Variants in ARHGEF33 observed in about 807,000 individuals in gnomAD.
ARHGEF33 encodes Rho guanine nucleotide exchange factor 33.
A neutral mutation model predicts 101.9 loss-of-function variants in ARHGEF33; 72 were observed. The observed-to-expected ratio is 0.71, with a 90% CI of 0.58 to 0.86. ARHGEF33 has a LOEUF of 0.86. Ranked by LOEUF, ARHGEF33 falls within the 40% of genes least tolerant of loss-of-function variation. The probability of loss-of-function intolerance (pLI) is 0.00; values close to 1 mark genes in which losing one functional copy is unlikely to be tolerated. For missense variants in ARHGEF33, 1,169 were observed against 1,111.3 expected (o/e 1.05, Z -0.74); for synonymous variants, 499 against 442.5 (o/e 1.13, Z -1.60).
chr2:38,906,863 T>TG (rs1272191520), intron 2 of ARHGEF33, among the ~76,000 whole-genome samples: 1 of 134,736 alleles, frequency 7.4e-6, no homozygotes, highest in African/African-American at 2.8e-5. Context: ...GCAGCTGAGG[T>TG]GGGAAGATTG....
intron 8 of ARHGEF33, among the ~76,000 whole-genome samples, chr2:38,936,076 C>G (rs915768115): frequency 3.9e-5 from 6 of 152,268 alleles, no homozygotes; most frequent in South Asian, 2.1e-4. Context: ...TTTTTTCTGG[C>G]TTATTTCAAT....
At chr2:38,964,995 A>C (rs960576475) in intron 16 of ARHGEF33, among the ~76,000 whole-genome samples, 2 of 152,034 alleles carry the variant, frequency 1.3e-5, no homozygotes, top group African/African-American at 4.8e-5. Flanking sequence ...AGAATCTCAG[A>C]GAATTTCTGT....
intron 16 of ARHGEF33, among the ~76,000 whole-genome samples, chr2:38,962,848 A>C (rs1344344174): frequency 8.1e-6 from 1 of 123,898 alleles, no homozygotes; most frequent in African/African-American, 3.3e-5. Context: ...CCCCGTCTCT[A>C]CAAAAAAAAA....
At position 38,951,027 on chromosome 2, in the gene ARHGEF33, A is replaced by G; in HGVS notation, c.959A>G (p.His320Arg). ...TCTTTACGGTACCTCGTCCAGCAGC[A>G]CCTGGATCTGCTTCACGCACTGCAG... ...PGSLRYLVQQ[H>R]LDLLHALQER... Residue 320 changes from histidine to arginine, a missense_variant, in exon 11 of 18, where the codon CAC (histidine) becomes CGC (arginine). Transcript: ENST00000409978. The G allele has an allele frequency of 6.4e-7, 1 of 1,552,170 alleles. No homozygotes were observed. Among genetic ancestry groups the G allele is most frequent in the South Asian group, 1.2e-5 (1 of 84,060 alleles).
At chr2:38,949,524 C>G (rs1462594604) in intron 10 of ARHGEF33, among the ~76,000 whole-genome samples, 1 of 152,026 alleles carries the variant, frequency 6.6e-6, no homozygotes, top group East Asian at 1.9e-4. Flanking sequence ...TGACGTCTCC[C>G]TTCTTCCCTT....
chr2:38,925,716 A>G (rs1314326259), intron 4 of ARHGEF33, among the ~76,000 whole-genome samples: 1 of 152,202 alleles, frequency 6.6e-6, no homozygotes, highest in Admixed American at 6.5e-5. Flanking sequence ...CCTCCTTGCC[A>G]TCATGTATGT....
chr2:38,960,358 G>A lies in ARHGEF33; in HGVS notation c.2053G>A (p.Gly685Ser). 2 of 1,529,908 alleles carry A rather than the reference G, an allele frequency of 1.3e-6. No individual in the cohort carries two copies. Among genetic ancestry groups the A allele is most frequent in the African/African-American group, 1.4e-5 (1 of 72,444 alleles). The allele number at this position is 1,529,908 out of a possible 1,614,324, so 94.8% of individuals were successfully genotyped here. The change falls in exon 16 of 18, where the codon GGC becomes AGC. Residue 685 changes from glycine (G) to serine (S), a missense_variant. Gly to Ser is a moderately conservative substitution (Grantham distance 56, BLOSUM62 0). Coordinates refer to ENST00000409978, the MANE Select transcript of ARHGEF33 (RefSeq NM_001145451.5). ...PLPKSATSPA[G>S]SSSAYKLEAA... is the part of the protein sequence containing the mutation. ...GCCCAAGAGCGCTACGTCGCCGGCG[G>A]GCAGCAGCAGCGCCTACAAACTGGA...
chr2:38,947,887 A>G (rs1221266962), intron 10 of ARHGEF33, among the ~76,000 whole-genome samples: 2 of 152,158 alleles, frequency 1.3e-5, no homozygotes, highest in Non-Finnish European at 2.9e-5. Flanking sequence ...GGAACCTGCT[A>G]CTGCCAAGCT....
chr2:38,928,862 C>G (rs1340414693), intron 4 of ARHGEF33, 45 bp from the exon 5 acceptor site: 9 of 1,509,098 alleles, frequency 6.0e-6, no homozygotes, highest in Non-Finnish European at 8.0e-6. Context: ...GTGCCACTTA[C>G]AGTAATTTCC....
intron 17 of ARHGEF33, among the ~76,000 whole-genome samples, chr2:38,968,157 G>C (rs1036581921): frequency 3.9e-5 from 6 of 151,948 alleles, no homozygotes; most frequent in African/African-American, 1.2e-4. Flanking sequence ...GTCCTCTCTG[G>C]ATTCAGAGGG....
intron 16 of ARHGEF33, among the ~76,000 whole-genome samples, chr2:38,962,750 C>G (rs1667972371): frequency 1.3e-5 from 2 of 150,100 alleles, no homozygotes; most frequent in African/African-American, 4.9e-5. Flanking sequence ...TGCGGTGGCT[C>G]ACGCCCGTAA....
intron 1 of ARHGEF33, among the ~76,000 whole-genome samples, chr2:38,894,438 T>G (rs3112176): frequency 0.9 from 136,068 of 151,212 alleles, 63,014 homozygotes; most frequent in Non-Finnish European, 1. Flanking sequence ...AAAAAAAGAA[T>G]AATAATAGAG....
intron 16 of ARHGEF33, among the ~76,000 whole-genome samples, chr2:38,963,632 T>G (rs1181513078): frequency 6.6e-6 from 1 of 152,226 alleles, no homozygotes; most frequent in Non-Finnish European, 1.5e-5. Flanking sequence ...AGAACGATTT[T>G]CCTTAAACCA....
chr2:38,942,739 G>A (rs1002683002), intron 9 of ARHGEF33, among the ~76,000 whole-genome samples: 3 of 151,892 alleles, frequency 2.0e-5, no homozygotes, highest in African/African-American at 2.4e-5. Flanking sequence ...AAAAAAATAC[G>A]TATATATGCT....
rs546554537 is a variant in ARHGEF33 at position 38,902,071 on chromosome 2, C to T, written c.-86+6222C>T. Among the ~76,000 whole-genome samples, 8 of 150,074 alleles carry T rather than the reference C, an allele frequency of 5.3e-5. No individual in the cohort carries two copies. In the East Asian group the frequency reaches 9.8e-4, roughly 18 times the overall value. ...TGGAGCTTGCAGTGAGCCGAGATCG[C>T]GCCACTGCACTCCAGCTTGGGTGAC... is the stretch of plus-strand genomic sequence containing the variant. On this transcript the variant is annotated intron_variant, in intron 2 of 17. Coordinates refer to ENST00000409978, the MANE Select transcript of ARHGEF33 (RefSeq NM_001145451.5).
chr2:38,898,295 CTG>C (rs2124978188), intron 2 of ARHGEF33, among the ~76,000 whole-genome samples: 1 of 152,296 alleles, frequency 6.6e-6, no homozygotes, highest in African/African-American at 2.4e-5. Context: ...AGTTCTGAAA[CTG>C]TATGAGAAAA....
At chr2:38,930,016 A>C (rs541183909) in intron 6 of ARHGEF33, among the ~76,000 whole-genome samples, 186 bp downstream of exon 6, 1 of 152,378 alleles carries the variant, frequency 6.6e-6, no homozygotes, top group Admixed American at 6.5e-5. Context: ...TACCTATTAC[A>C]TAGAAAAATC....
At chr2:38,937,197 T>C (rs1349995955) in intron 8 of ARHGEF33, 138 bp from the exon 9 acceptor site, 10 of 600,838 alleles carry the variant, frequency 1.7e-5, no homozygotes, top group Admixed American at 8.7e-5. Flanking sequence ...GGTTTCACCA[T>C]GTTAGCCAGG....
chr2:38,967,744 T>A (rs1242404383), intron 17 of ARHGEF33, among the ~76,000 whole-genome samples: 4 of 144,988 alleles, frequency 2.8e-5, no homozygotes, highest in South Asian at 2.2e-4. Flanking sequence ...CCCTGGCTAT[T>A]TTTTTTTTTT....
Sources: gnomAD v4.1 joint callset for allele counts (sites outside exome capture counted in the v4.1 genomes callset) on GRCh38, gnomAD v4.1.1 for gene constraint, MANE v1.5 for transcripts, NCBI Gene and HGNC (gene_info 2026-07-23, HGNC 2026-07-21) for gene names.